The following DLG2 variants were observed in gnomAD, a reference collection of about 807,000 sequenced individuals.
DLG2 encodes the protein disks large homolog 2.
Under a neutral mutation model 132.5 loss-of-function variants are expected in DLG2, and 45 were observed. The observed-to-expected ratio is 0.34, with a 90% CI of 0.27 to 0.44. DLG2 has a LOEUF of 0.44. DLG2 is among the 20% of genes least tolerant of loss of function. DLG2 has a pLI of 1.00. For synonymous variants in DLG2, 424 were observed against 419.6 expected, an observed-to-expected ratio of 1.01 and a Z score of -0.13; for missense variants, 1,045 against 1,196.9, an observed-to-expected ratio of 0.87 and a Z score of 1.87.
chr11:85,328,795 A>T (rs2152836434), intron 3 of DLG2, among the ~76,000 whole-genome samples: 1 of 134,108 alleles, frequency 7.5e-6, no homozygotes, highest in South Asian at 2.6e-4. Context: ...CAGGAGAAGG[A>T]AATAAAGGGT....
chr11:83,925,196 A>C (rs1191290922), intron 15 of DLG2, among the ~76,000 whole-genome samples: 1 of 152,102 alleles, frequency 6.6e-6, no homozygotes, highest in East Asian at 1.9e-4. Flanking sequence ...AGTCAATTGC[A>C]GGCAGCCAAC....
At position 85,079,484 on chromosome 11, in the gene DLG2, A is replaced by AT. The variant is rs35913627; in HGVS notation, c.357+32176dup. Among the ~76,000 whole-genome samples the AT allele has an allele frequency of 5.0e-3, 686 of 137,632 alleles. 3 individuals are homozygous for AT. Among genetic ancestry groups the AT allele is most frequent in the East Asian group, 0.011 (50 of 4,576 alleles). 90.3% of individuals were successfully genotyped at this position (137,632 alleles called of 152,430 possible). ...TTCAGTTGGTTGGGGGAGGCTTAGA[A>AT]TTTTTTTTTTTTTTTTTTTTGGTTT... On this transcript the variant is annotated intron_variant, in intron 6 of 27. Coordinates refer to ENST00000376104, the MANE Select transcript of DLG2 (RefSeq NM_001142699.3).
chr11:84,848,855 CT>C (rs1173874491), intron 6 of DLG2, among the ~76,000 whole-genome samples: 4 of 152,184 alleles, frequency 2.6e-5, no homozygotes, highest in Non-Finnish European at 5.9e-5. Flanking sequence ...TTAAGCCTAA[CT>C]TCTGGTATCC....
intron 21 of DLG2, among the ~76,000 whole-genome samples, chr11:83,485,401 T>A (rs1253802498): frequency 6.6e-6 from 1 of 152,160 alleles, no homozygotes; most frequent in Non-Finnish European, 1.5e-5. Flanking sequence ...ACTAATTTCA[T>A]ATTCATATAT....
Position 84,816,531 on chromosome 11 carries a change from A to G in DLG2, c.358-281800T>C, listed in dbSNP as rs1598773683. The stretch of plus-strand genomic sequence containing the variant: ...TTGATTCATAGAATGGTTAATAACA[A>G]AAATGGCAGCTACTATTTTTGAGCA... On this transcript the variant is annotated intron_variant, in intron 6 of 27. Coordinates refer to ENST00000376104, the MANE Select transcript of DLG2 (RefSeq NM_001142699.3). 2.6e-5 allele frequency among the ~76,000 whole-genome samples: 4 copies of G among 151,976 alleles called. No homozygotes were observed. In the South Asian group the frequency reaches 8.3e-4, roughly 31 times the overall value.
At chr11:83,484,538 G>A (rs1015913180) in intron 21 of DLG2, among the ~76,000 whole-genome samples, 8 of 152,124 alleles carry the variant, frequency 5.3e-5, no homozygotes, top group Admixed American at 1.3e-4. Context: ...CTGGCTCTAC[G>A]TCTTGCTAGT....
intron 11 of DLG2, among the ~76,000 whole-genome samples, chr11:84,010,452 C>T (rs1356912905): frequency 6.6e-6 from 1 of 151,970 alleles, no homozygotes; most frequent in Non-Finnish European, 1.5e-5. Flanking sequence ...ACGACTACCC[C>T]AGCCAATTTT....
rs1453874877 is a variant in DLG2 at position 83,458,330 on chromosome 11, GTTA to G, written c.*1485_*1487del. 7 of 148,962 alleles carry G rather than the reference GTTA, an allele frequency of 4.7e-5. No homozygotes were observed. Among genetic ancestry groups the G allele is most frequent in the Non-Finnish European group, 9.1e-5 (6 of 66,174 alleles). The allele number at this position is 148,962 out of a possible 1,614,324, so 9.2% of individuals were successfully genotyped here. ...GGGAGGTTTCTTTTTTTAAATCATC[GTTA>G]TTATAATTGTTAAAAAATAAACTTG... On this transcript the variant is annotated 3_prime_UTR_variant, in exon 28 of 28. Transcript: ENST00000376104.
intron 9 of DLG2, among the ~76,000 whole-genome samples, chr11:84,135,146 A>G (rs1269888349): frequency 8.6e-5 from 13 of 152,022 alleles, no homozygotes; most frequent in African/African-American, 3.1e-4. Context: ...TACTAAGCCT[A>G]GAACAGAACA....
At chr11:83,630,340 C>T (rs113891393) in intron 19 of DLG2, among the ~76,000 whole-genome samples, 1 of 150,758 alleles carries the variant, frequency 6.6e-6, no homozygotes, top group African/African-American at 2.5e-5. Flanking sequence ...TGTGAGCATG[C>T]GTGTGTGTGT....
intron 6 of DLG2, among the ~76,000 whole-genome samples, chr11:84,700,764 C>T (rs1028245491): frequency 1.3e-5 from 2 of 151,510 alleles, no homozygotes; most frequent in African/African-American, 2.4e-5. Flanking sequence ...CATTTGTTTG[C>T]ACTTTTAATT....
At chr11:85,190,861 T>C (rs1268586561) in intron 4 of DLG2, among the ~76,000 whole-genome samples, 1 of 152,172 alleles carries the variant, frequency 6.6e-6, no homozygotes, top group Non-Finnish European at 1.5e-5. Flanking sequence ...AAATGACAGA[T>C]GTTGGTGATG....
chr11:84,354,357 TG>T (rs1393949775), intron 7 of DLG2, among the ~76,000 whole-genome samples: 1 of 152,182 alleles, frequency 6.6e-6, no homozygotes, highest in Non-Finnish European at 1.5e-5. Flanking sequence ...GCAATAAATT[TG>T]CATTAGTAAA....
chr11:84,900,457 G>A (rs568771993), intron 6 of DLG2, among the ~76,000 whole-genome samples: 5 of 152,086 alleles, frequency 3.3e-5, no homozygotes, highest in African/African-American at 1.2e-4. Flanking sequence ...TCTTTTGGGG[G>A]AATGAAAAGT....
chr11:83,543,513 C>G (rs917281885), intron 19 of DLG2, among the ~76,000 whole-genome samples: 1 of 152,116 alleles, frequency 6.6e-6, no homozygotes, highest in Non-Finnish European at 1.5e-5. Context: ...CCTGCTCCTA[C>G]TATGTCTTAG....
chr11:84,374,220 T>C (rs2098720214), intron 7 of DLG2, among the ~76,000 whole-genome samples: 1 of 152,178 alleles, frequency 6.6e-6, no homozygotes, highest in Admixed American at 6.5e-5. Flanking sequence ...CAGGGAACTT[T>C]TTCCCCAAAC....
At chr11:84,714,587 CTTTCTCTTTCTT>C (rs2060877554) in intron 6 of DLG2, among the ~76,000 whole-genome samples, 3 of 132,054 alleles carry the variant, frequency 2.3e-5, no homozygotes, top group African/African-American at 1.0e-4. Context: ...TTCTCTTTCT[CTTTCTCTTTCTT>C]TCTCTTTCTC....
chr11:83,606,921 C>T (rs779595883), intron 19 of DLG2, among the ~76,000 whole-genome samples: 12 of 151,212 alleles, frequency 7.9e-5, no homozygotes, highest in African/African-American at 1.2e-4. Context: ...AGAGAGACTC[C>T]GTCTCAAAAA....
chr11:84,936,670 A>T (rs1417521379), intron 6 of DLG2: 1 of 152,122 alleles, frequency 6.6e-6, no homozygotes, highest in Non-Finnish European at 1.5e-5. Flanking sequence ...TGCAAGTTTT[A>T]ATTGTCTTTT....
Sources: gnomAD v4.1 joint callset for allele counts (sites outside exome capture counted in the v4.1 genomes callset) on GRCh38, gnomAD v4.1.1 for gene constraint, MANE v1.5 for transcripts, NCBI Gene and HGNC (gene_info 2026-07-23, HGNC 2026-07-21) for gene names.